Variants in MEF2A observed in about 807,000 individuals in gnomAD.
The protein encoded by MEF2A is myocyte enhancer factor 2A, also known as myocyte-specific enhancer factor 2A.
Under a neutral mutation model 55.8 loss-of-function variants are expected in MEF2A, and 28 were observed. The observed-to-expected ratio is 0.50, with a 90% CI of 0.37 to 0.69. MEF2A has a LOEUF of 0.69. Ranked by LOEUF, MEF2A falls within the 30% of genes least tolerant of loss-of-function variation. The pLI is 0.00. For missense variants in MEF2A, 528 were observed against 626.2 expected (o/e 0.84, Z 1.67); for synonymous variants, 239 against 227.1 (o/e 1.05, Z -0.47).
chr15:99,658,373 T>C (rs533376390), intron 4 of MEF2A, among the ~76,000 whole-genome samples: 112 of 152,258 alleles, frequency 7.4e-4, no homozygotes, highest in African/African-American at 2.5e-3. Context: ...GAAGAAATTA[T>C]CTAGAATTCA....
At chr15:99,608,193 A>G (rs926137594) in intron 2 of MEF2A, among the ~76,000 whole-genome samples, 2 of 152,230 alleles carry the variant, frequency 1.3e-5, no homozygotes, top group Non-Finnish European at 2.9e-5. Context: ...GAACTTCAGC[A>G]GTTAAGTGAA....
At chr15:99,699,715 A>T (rs2057076947) in intron 8 of MEF2A, among the ~76,000 whole-genome samples, 1 of 152,194 alleles carries the variant, frequency 6.6e-6, no homozygotes, top group South Asian at 2.1e-4. Flanking sequence ...GACCAACGAA[A>T]TTGTAGCAAA....
chr15:99,667,995 A>G (rs1275568308), intron 4 of MEF2A, among the ~76,000 whole-genome samples: 1 of 152,174 alleles, frequency 6.6e-6, no homozygotes, highest in Non-Finnish European at 1.5e-5. Context: ...TAAGTTTATT[A>G]CTTAAATCCT....
intron 1 of MEF2A, among the ~76,000 whole-genome samples, chr15:99,593,787 T>A (rs2152992139): frequency 6.6e-6 from 1 of 152,334 alleles, no homozygotes; most frequent in Non-Finnish European, 1.5e-5. Flanking sequence ...TGAGTTAAGT[T>A]GTACCGTGGT....
intron 2 of MEF2A, among the ~76,000 whole-genome samples, chr15:99,628,510 T>C (rs552370071): frequency 1.2e-4 from 19 of 152,336 alleles, no homozygotes; most frequent in Admixed American, 3.9e-4. Context: ...TCTTGCCTTC[T>C]TTTGGGTTAT....
chr15:99,579,474 A>C (rs1030636586), intron 1 of MEF2A, among the ~76,000 whole-genome samples: 2 of 152,056 alleles, frequency 1.3e-5, no homozygotes, highest in African/African-American at 4.8e-5. Flanking sequence ...AGCTCAGTGC[A>C]ACCTCTGCCT....
chr15:99,667,035 T>G (rs192624734), intron 4 of MEF2A, among the ~76,000 whole-genome samples: 142 of 152,324 alleles, frequency 9.3e-4, no homozygotes, highest in South Asian at 7.3e-3. Flanking sequence ...TAATCAAATA[T>G]TTTTAGAAAA....
chr15:99,601,570 T>C (rs1973004482), intron 2 of MEF2A, among the ~76,000 whole-genome samples: 1 of 151,858 alleles, frequency 6.6e-6, no homozygotes, highest in South Asian at 2.1e-4. Flanking sequence ...CAAATGTTTT[T>C]TCTGCATCTA....
intron 5 of MEF2A, chr15:99,671,813 G>A (rs1157001830): frequency 2.0e-6 from 1 of 500,858 alleles, no homozygotes; most frequent in Non-Finnish European, 2.6e-6. Context: ...AAATAAAATT[G>A]CTGAAATCTT....
intron 10 of MEF2A, among the ~76,000 whole-genome samples, chr15:99,707,075 G>A (rs2058120993): frequency 6.6e-6 from 1 of 152,212 alleles, no homozygotes; most frequent in Non-Finnish European, 1.5e-5. Context: ...GGCTTCTCCA[G>A]TGTGAACTTT....
At chr15:99,602,653 G>GGTGTGGGT (rs1973527760) in intron 2 of MEF2A, among the ~76,000 whole-genome samples, 2 of 44,842 alleles carry the variant, frequency 4.5e-5, no homozygotes, top group South Asian at 1.2e-3. Flanking sequence ...ACATTCCTGG[G>GGTGTGGGT]GTGTGTGTGT....
chr15:99,621,533 G>T (rs1348231100), intron 2 of MEF2A, among the ~76,000 whole-genome samples: 3 of 152,104 alleles, frequency 2.0e-5, no homozygotes, highest in Admixed American at 6.5e-5. Flanking sequence ...TGCAACAGTA[G>T]TAAGTGTTTC....
chr15:99,605,775 A>G (rs1467116354), intron 2 of MEF2A, among the ~76,000 whole-genome samples: 5 of 152,114 alleles, frequency 3.3e-5, no homozygotes, highest in African/African-American at 1.2e-4. Context: ...GTTCAAGACC[A>G]GCTTGGGCAA....
intron 4 of MEF2A, among the ~76,000 whole-genome samples, chr15:99,654,793 C>T (rs1015973803): frequency 3.9e-5 from 6 of 152,068 alleles, no homozygotes; most frequent in Non-Finnish European, 8.8e-5. Flanking sequence ...GAATTTGTTC[C>T]ATATTTGTGC....
intron 8 of MEF2A, among the ~76,000 whole-genome samples, chr15:99,701,557 A>G (rs2057391689): frequency 6.6e-6 from 1 of 152,222 alleles, no homozygotes; most frequent in Non-Finnish European, 1.5e-5. Flanking sequence ...AAATCCAAGT[A>G]AAGTCCAAAG....
intron 7 of MEF2A, among the ~76,000 whole-genome samples, chr15:99,687,717 G>T (rs2054565471): frequency 6.6e-6 from 1 of 152,088 alleles, no homozygotes; most frequent in African/African-American, 2.4e-5. Flanking sequence ...TGTAAATTTT[G>T]TGTGGTTACC....
chr15:99,632,451 A>G (rs2043098619), intron 2 of MEF2A, among the ~76,000 whole-genome samples: 2 of 152,218 alleles, frequency 1.3e-5, no homozygotes, highest in Admixed American at 1.3e-4. Context: ...ATTGTTTGGT[A>G]TGGAGGTCAT....
At chr15:99,611,760 A>G (rs1456976849) in intron 2 of MEF2A, among the ~76,000 whole-genome samples, 1 of 152,230 alleles carries the variant, frequency 6.6e-6, no homozygotes, top group African/African-American at 2.4e-5. Context: ...TCAAAGTGGA[A>G]TCAACTCAGA....
chr15:99,711,457 A>G (rs12591986), intron 11 of MEF2A, among the ~76,000 whole-genome samples: 42,626 of 152,142 alleles, frequency 0.28, 7,385 homozygotes, highest in South Asian at 0.43. Context: ...CATCCCTGAC[A>G]GCCGGGAGAA....
Sources: gnomAD v4.1 joint callset for allele counts (sites outside exome capture counted in the v4.1 genomes callset) on GRCh38, gnomAD v4.1.1 for gene constraint, MANE v1.5 for transcripts, NCBI Gene and HGNC (gene_info 2026-07-23, HGNC 2026-07-21) for gene names.